GRIA4: variants seen among roughly 807,000 people sequenced by gnomAD.
GRIA4 encodes the protein glutamate receptor 4.
A neutral mutation model predicts 104.0 loss-of-function variants in GRIA4; 34 were observed. The observed-to-expected ratio is 0.33, with a 90% CI of 0.25 to 0.44. The LOEUF (loss-of-function observed/expected upper bound fraction) is 0.44, where lower values mean the gene tolerates loss of function less well. Ranked by LOEUF, GRIA4 falls within the 20% of genes least tolerant of loss-of-function variation. The probability of loss-of-function intolerance (pLI) is 1.00; values close to 1 mark genes in which losing one functional copy is unlikely to be tolerated. For synonymous variants in GRIA4, 386 were observed against 381.9 expected, an observed-to-expected ratio of 1.01 and a Z score of -0.13; for missense variants, 750 against 1,096.5, an observed-to-expected ratio of 0.68 and a Z score of 4.46.
intron 4 of GRIA4, among the ~76,000 whole-genome samples, chr11:105,853,612 G>C (rs1182233131): frequency 6.6e-6 from 1 of 152,130 alleles, no homozygotes; most frequent in Non-Finnish European, 1.5e-5. Context: ...TGAACAATAA[G>C]ACATTGCTGA....
intron 3 of GRIA4, among the ~76,000 whole-genome samples, chr11:105,748,918 TG>T (rs1182352800): frequency 6.6e-6 from 1 of 152,018 alleles, no homozygotes; most frequent in Admixed American, 6.6e-5. Flanking sequence ...TTGAAGTGGG[TG>T]GTACAGTTTG....
intron 3 of GRIA4, among the ~76,000 whole-genome samples, chr11:105,723,246 T>G (rs764265597): frequency 2.0e-5 from 3 of 152,128 alleles, no homozygotes; most frequent in African/African-American, 7.2e-5. Context: ...TGTAGCTGAG[T>G]GTAATGGGCT....
rs1591459199 is a variant in GRIA4, at chr11:105,625,886, C to CA, written c.247+13453dup. Among the ~76,000 whole-genome samples the CA allele has an allele frequency of 2.0e-5, 3 of 152,146 alleles. No individual in the cohort carries two copies. In the East Asian group the frequency reaches 5.8e-4, roughly 29 times the overall value. On this transcript the variant is annotated intron_variant, in intron 3 of 16. Coordinates refer to ENST00000282499, the MANE Select transcript of GRIA4 (RefSeq NM_000829.4). ...CACAGTTAGAAATATTTCTTATGTT[C>CA]ACTCTTAAATTTTAATTTGTTTGGA...
chr11:105,678,763 G>A (rs913180588), intron 3 of GRIA4, among the ~76,000 whole-genome samples: 4 of 151,912 alleles, frequency 2.6e-5, no homozygotes, highest in Non-Finnish European at 5.9e-5. Context: ...AGTTATTCCA[G>A]GATAATTTTC....
chr11:105,954,793 T>C (rs2136246735), intron 14 of GRIA4, among the ~76,000 whole-genome samples: 1 of 151,918 alleles, frequency 6.6e-6, no homozygotes, highest in East Asian at 1.9e-4. Context: ...GGGGGTTAGG[T>C]CTGAGCATGA....
intron 3 of GRIA4, among the ~76,000 whole-genome samples, chr11:105,639,470 T>C (rs915896590): frequency 2.6e-5 from 4 of 152,000 alleles, no homozygotes; most frequent in Non-Finnish European, 4.4e-5. Context: ...ATTTCTCGTA[T>C]GTCACAGTAT....
chr11:105,674,819 T>C (rs1291683127), intron 3 of GRIA4, among the ~76,000 whole-genome samples: 1 of 151,944 alleles, frequency 6.6e-6, no homozygotes, highest in Non-Finnish European at 1.5e-5. Context: ...ACAAACATTT[T>C]ATTCCATGAA....
At chr11:105,960,739 G>A (rs894172682) in intron 14 of GRIA4, among the ~76,000 whole-genome samples, 9 of 152,226 alleles carry the variant, frequency 5.9e-5, no homozygotes, top group African/African-American at 2.2e-4. Context: ...AGGTTGGGAC[G>A]CTAGGCCCCA....
intron 4 of GRIA4, among the ~76,000 whole-genome samples, chr11:105,807,877 T>C (rs753903245): frequency 6.6e-6 from 1 of 151,990 alleles, no homozygotes; most frequent in African/African-American, 2.4e-5. Context: ...ATGTTCTGAA[T>C]ACTTCTCATA....
chr11:105,738,109 TG>T (rs1298131621), intron 3 of GRIA4, among the ~76,000 whole-genome samples: 1 of 151,876 alleles, frequency 6.6e-6, no homozygotes, highest in Non-Finnish European at 1.5e-5. Context: ...TGGGTATCCT[TG>T]GTCTCAAGTA....
Position 105,972,046 on chromosome 11 carries a change from G to GAGAGTTTCCTTTAAGTTTCTTCAAGAA in GRIA4, c.2409+18_2409+19insAGAGTTTCCTTTAAGTTTCTTCAAGAA. 1 of 1,464,154 alleles carries GAGAGTTTCCTTTAAGTTTCTTCAAGAA rather than the reference G, an allele frequency of 6.8e-7. No individual in the cohort carries two copies. The highest frequency in any genetic ancestry group is 9.6e-7 in the Non-Finnish European group (1 of 1,045,030). 90.7% of individuals were successfully genotyped at this position (1,464,154 alleles called of 1,614,324 possible). A position where few individuals can be genotyped will look rare whatever the true frequency, so the allele number is the denominator to read the frequency against. On this transcript the variant is annotated intron_variant, in intron 15 of 16. Transcript: ENST00000282499. ...GAAGCAAGGTCAGTCGCTGCAGTTC[G>GAGAGTTTCCTTTAAGTTTCTTCAAGAA]GGGCCTCCTCTTGTGTTCACAAAGC...
intron 6 of GRIA4, among the ~76,000 whole-genome samples, chr11:105,895,661 A>G (rs188442459): frequency 6.6e-6 from 1 of 152,112 alleles, no homozygotes; most frequent in East Asian, 1.9e-4. Context: ...GAAAATAAAT[A>G]ATTGTCCAGA....
rs752929916 is a variant in GRIA4, at chr11:105,924,781, A to G, written c.1847+12A>G. 1 of 1,573,708 alleles carries G rather than the reference A, an allele frequency of 6.4e-7. No individual in the cohort carries two copies. The highest frequency in any genetic ancestry group is 1.4e-5 in the African/African-American group (1 of 73,534). On this transcript the variant is annotated intron_variant, in intron 12 of 16. Coordinates refer to ENST00000282499, the MANE Select transcript of GRIA4 (RefSeq NM_000829.4). ...GACATTTCACCCAGGTTAGTTTCAAATCTCTTAAGTTCTTCACTGATTTCC... is the reference window on the plus strand; with the variant it reads ...GACATTTCACCCAGGTTAGTTTCAAGTCTCTTAAGTTCTTCACTGATTTCC...
intron 3 of GRIA4, among the ~76,000 whole-genome samples, chr11:105,716,174 A>G (rs1340302265): frequency 6.6e-6 from 1 of 152,152 alleles, no homozygotes; most frequent in African/African-American, 2.4e-5. Flanking sequence ...CTTATCTATA[A>G]ACACATACAG....
At chr11:105,610,861 CTTTCTTTTCTTTT>C (rs1950454090) in intron 1 of GRIA4, 34 bp from the exon 2 acceptor site, 30 of 542,744 alleles carry the variant, frequency 5.5e-5, no homozygotes, top group South Asian at 1.7e-4. Context: ...TCTTTCTTTT[CTTTCTTTTCTTTT>C]TTTTTTTTTT....
At chr11:105,693,210 A>G (rs1451707763) in intron 3 of GRIA4, among the ~76,000 whole-genome samples, 1 of 152,212 alleles carries the variant, frequency 6.6e-6, no homozygotes, top group Non-Finnish European at 1.5e-5. Flanking sequence ...AAAGTTTGCT[A>G]TTTACTCTCT....
intron 4 of GRIA4, among the ~76,000 whole-genome samples, chr11:105,851,371 C>G (rs1006191120): frequency 1.1e-4 from 16 of 152,154 alleles, no homozygotes; most frequent in Non-Finnish European, 2.4e-4. Flanking sequence ...AATTTCACAT[C>G]CCTGAGGTTA....
At chr11:105,868,666 A>G (rs1367526245) in intron 5 of GRIA4, among the ~76,000 whole-genome samples, 6 of 152,134 alleles carry the variant, frequency 3.9e-5, no homozygotes, top group African/African-American at 1.4e-4. Flanking sequence ...TTTGTTGTAC[A>G]GGCTGAAAAA....
At chr11:105,625,650 T>C (rs1231863218) in intron 3 of GRIA4, among the ~76,000 whole-genome samples, 1 of 152,124 alleles carries the variant, frequency 6.6e-6, no homozygotes, top group Non-Finnish European at 1.5e-5. Context: ...CTGACACTCA[T>C]GATTATGGCC....
Sources: allele counts gnomAD v4.1 joint callset (sites outside exome capture counted in the v4.1 genomes callset), GRCh38; gene constraint gnomAD v4.1.1; transcripts MANE v1.5; gene names NCBI Gene and HGNC (gene_info 2026-07-23, HGNC 2026-07-21).